The following APC2 variants were observed in gnomAD, a reference collection of about 807,000 sequenced individuals.
APC2 encodes the protein adenomatous polyposis coli protein 2.
APC2 carries 41 observed loss-of-function variants against 72.5 expected under a neutral mutation model. The ratio of observed to expected loss-of-function variants is 0.57; its 90% CI spans 0.44 to 0.73. The LOEUF (loss-of-function observed/expected upper bound fraction) is 0.73, where lower values mean the gene tolerates loss of function less well. Among genes scored for constraint, APC2 ranks in the 30% least tolerant of loss-of-function variants. The pLI is 0.00. For synonymous variants in APC2, 1,898 were observed against 1,612.0 expected (o/e 1.18, Z -4.25); for missense variants, 3,729 against 3,403.4 (o/e 1.10, Z -2.38).
rs1569143290 is a variant in APC2, at chr19:1,455,517, G to T, written c.639+17G>T. Reference sequence around the variant, plus strand: ...CGGGCACAGGTGCGGCGGTGGGCGGGGTGGCGCGGCGGTAGGCGGGGCCCT... The same window carrying T: ...CGGGCACAGGTGCGGCGGTGGGCGGTGTGGCGCGGCGGTAGGCGGGGCCCT... On this transcript the variant is annotated intron_variant, in intron 6 of 14. Transcript: ENST00000590469. 3 of 1,591,950 alleles carry T rather than the reference G, an allele frequency of 1.9e-6. No homozygotes were observed. The highest frequency in any genetic ancestry group is 2.3e-5 in the East Asian group (1 of 44,116).
intron 10 of APC2, 94 bp downstream of exon 10, chr19:1,458,154 A>C: frequency 8.3e-7 from 1 of 1,209,328 alleles, no homozygotes. Context: ...GGGTCATCTG[A>C]GCTTGGGCTG....
rs779028729 is a variant in APC2 at position 1,468,851 on chromosome 19, G to A, written c.5550G>A (p.Ser1850=). 6.5e-7 allele frequency: 1 copy of A among 1,548,392 alleles called. No individual in the cohort carries two copies. Among genetic ancestry groups the A allele is most frequent in the South Asian group, 1.2e-5 (1 of 85,112 alleles). Residue 1850 remains serine, a synonymous_variant, in exon 15 of 15, where the codon TCG becomes TCA. Transcript: ENST00000590469. ...SRSLHRPAKT[S]ELATLSQPPR... ...GCCTACACCGGCCTGCCAAGACCTCGGAGCTGGCGACGCTGAGCCAGCCCC... is the reference window on the plus strand; with the variant it reads ...GCCTACACCGGCCTGCCAAGACCTCAGAGCTGGCGACGCTGAGCCAGCCCC...
At position 1,469,947 on chromosome 19, in the gene APC2, G is replaced by A. The variant is rs1316281097; in HGVS notation, c.6646G>A (p.Gly2216Arg). Residue 2216 changes from glycine (G) to arginine (R), a missense_variant, in exon 15 of 15, where the codon GGG (glycine) becomes AGG (arginine). Physicochemically the swap from Gly to Arg is moderately radical, Grantham distance 125. Coordinates refer to ENST00000590469, the MANE Select transcript of APC2 (RefSeq NM_005883.3). ...GAGCCTGGAGACCAGGGAGCCCCCC[G>A]GGGCCCCCGCCGGCGGCCAGCTCTC... ...SPSLETREPP[G>R]APAGGQLSLL... The A allele has an allele frequency of 3.3e-6, 5 of 1,510,484 alleles. No homozygotes were observed. Among genetic ancestry groups the A allele is most frequent in the Non-Finnish European group, 3.5e-6 (4 of 1,136,282 alleles). 93.6% of individuals were successfully genotyped at this position (1,510,484 alleles called of 1,614,324 possible).
chr19:1,467,234 C>T lies in APC2; in HGVS notation c.3933C>T (p.Ala1311=). The change falls in exon 15 of 15, where the codon GCC becomes GCT. Residue 1311 remains alanine (A), a synonymous_variant. Transcript: ENST00000590469. ...CPERGGGAGG[A]GLHFAGHRRR... The stretch of plus-strand genomic sequence containing the variant: ...AGCGCGGCGGGGGCGCCGGGGGCGC[C>T]GGCCTCCACTTTGCAGGGCACCGGC... The T allele has an allele frequency of 1.5e-6, 2 of 1,360,840 alleles. No individual in the cohort carries two copies. Among genetic ancestry groups the T allele is most frequent in the Non-Finnish European group, 1.9e-6 (2 of 1,062,310 alleles). The allele number at this position is 1,360,840 out of a possible 1,614,324, so 84.3% of individuals were successfully genotyped here. A position where few individuals can be genotyped will look rare whatever the true frequency, so the allele number is the denominator to read the frequency against.
rs750200449 is a variant in APC2, at chr19:1,455,480, G to A, written c.619G>A (p.Glu207Lys). The change falls in exon 6 of 15, where the codon GAG becomes AAG. Residue 207 changes from glutamate (E) to lysine (K), a missense_variant. Glu to Lys is a moderately conservative substitution (Grantham distance 56). Transcript: ENST00000590469. The stretch of plus-strand genomic sequence containing the variant: ...GGAGGAGCGCTTCGGCACCTCGGAC[G>A]AGATGGTGCAGCGGGCACAGGTGCG... ...LMEERFGTSD[E>K]MVQRAQIRAS... 2 of 1,603,148 alleles carry A rather than the reference G, an allele frequency of 1.2e-6. No individual in the cohort carries two copies. The highest frequency in any genetic ancestry group is 2.2e-5 in the South Asian group (2 of 89,496).
At chr19:1,457,386 G>GT in intron 9 of APC2, 143 bp downstream of exon 9, 1 of 1,239,378 alleles carries the variant, frequency 8.1e-7, no homozygotes, top group Non-Finnish European at 1.1e-6. Context: ...GCCGAGGCCT[G>GT]TGGGGGCATT....
chr19:1,458,039 C>T lies in APC2; in HGVS notation c.1282C>T (p.Arg428Cys), dbSNP rs143064262. ...GAAGCTGTCCTTTGATGAGGAGTAC[C>T]GCCGTGCCATGAACGAGCTAGGTGA... ...VMKLSFDEEY[R>C]RAMNELGGLQ... The change falls in exon 10 of 15, where the codon CGC becomes TGC. Residue 428 changes from arginine to cysteine, a missense_variant. Arg to Cys is a radical substitution (Grantham distance 180). Coordinates refer to ENST00000590469, the MANE Select transcript of APC2 (RefSeq NM_005883.3). 9.6e-6 allele frequency: 15 copies of T among 1,564,808 alleles called. No individual in the cohort carries two copies. The highest frequency in any genetic ancestry group is 4.6e-5 in the East Asian group (2 of 43,040).
chr19:1,456,108 G>A lies in APC2; in HGVS notation c.672G>A (p.Lys224=), dbSNP rs1245327559. The change falls in exon 7 of 15, where the codon AAG becomes AAA. Residue 224 remains lysine, a synonymous_variant. Transcript: ENST00000590469. ...IRASRLEQID[K]ELLEAQDRVQ... is the part of the protein sequence containing the mutation. ...CCTCGCGCCTGGAGCAGATTGACAAGGAGCTGCTGGAGGCGCAGGACCGAG... is the reference window on the plus strand; with the variant it reads ...CCTCGCGCCTGGAGCAGATTGACAAAGAGCTGCTGGAGGCGCAGGACCGAG... 4 of 1,590,892 alleles carry A rather than the reference G, an allele frequency of 2.5e-6. No homozygotes were observed. Among genetic ancestry groups the A allele is most frequent in the Non-Finnish European group, 3.4e-6 (4 of 1,171,188 alleles).
rs2084146165 is a variant in APC2, at chr19:1,472,207, G to C, written c.*1994G>C. ...TCCATGGCCCGAGGGGGAACCTGGT[G>C]GTCTCTTCTGAGCTTTTGGACTTGG... On this transcript the variant is annotated 3_prime_UTR_variant, in exon 15 of 15. Transcript: ENST00000590469. 6.6e-6 allele frequency: 1 copy of C among 152,296 alleles called. No homozygotes were observed. Among genetic ancestry groups the C allele is most frequent in the African/African-American group, 2.4e-5 (1 of 41,458 alleles). 9.4% of individuals were successfully genotyped at this position (152,296 alleles called of 1,614,324 possible).
chr19:1,446,575 G>A (rs897203042), upstream of APC2, among the ~76,000 whole-genome samples: 5 of 151,796 alleles, frequency 3.3e-5, no homozygotes, highest in African/African-American at 9.7e-5. This position sits in a 1 kb window ranked among gnomAD's most constrained non-coding sequence, Gnocchi z 6.1. Flanking sequence ...CCCCAGCCCC[G>A]GGTCTGCGCA....
chr19:1,457,043 G>A lies in APC2; in HGVS notation c.1007G>A (p.Gly336Glu). 6.5e-7 allele frequency: 1 copy of A among 1,528,138 alleles called. No homozygotes were observed. Among genetic ancestry groups the A allele is most frequent in the Non-Finnish European group, 8.7e-7 (1 of 1,144,530 alleles). The allele number at this position is 1,528,138 out of a possible 1,614,324, so 94.7% of individuals were successfully genotyped here. The change falls in exon 9 of 15, where the codon GGG (glycine) becomes GAG (glutamate). Residue 336 changes from glycine to glutamate, a missense_variant. By Grantham distance (98) the Gly-to-Glu change is moderately conservative. Transcript: ENST00000590469. The part of the protein sequence containing the change: ...AAAGGRAGAP[G>E]APGAKDARMR... ...GCCGGGGGTCGCGCCGGGGCCCCAG[G>A]GGCACCGGGCGCCAAGGACGCACGC...
rs1243428279 is a variant in APC2 at position 1,452,922 on chromosome 19, C to T, written c.-18-62C>T. ...GGGCTTAGGTCAGGGGCCGTCTGTCCGGAAGGCATCACCGCGCCCTCCCCA... is the reference window on the plus strand; with the variant it reads ...GGGCTTAGGTCAGGGGCCGTCTGTCTGGAAGGCATCACCGCGCCCTCCCCA... On this transcript the variant is annotated intron_variant, in intron 1 of 14. Coordinates refer to ENST00000590469, the MANE Select transcript of APC2 (RefSeq NM_005883.3). This position sits in a 1 kb window ranked among gnomAD's most constrained non-coding sequence, Gnocchi z 5.1. 2.1e-5 allele frequency: 33 copies of T among 1,557,232 alleles called. No homozygotes were observed. The highest frequency in any genetic ancestry group is 1.6e-4 in the East Asian group (7 of 44,134).
chr19:1,469,812 G>T lies in APC2; in HGVS notation c.6511G>T (p.Gly2171Cys). The T allele has an allele frequency of 6.6e-7, 1 of 1,520,762 alleles. No homozygotes were observed. Among genetic ancestry groups the T allele is most frequent in the African/African-American group, 1.4e-5 (1 of 70,182 alleles). 94.2% of individuals were successfully genotyped at this position (1,520,762 alleles called of 1,614,324 possible). Residue 2171 changes from glycine to cysteine, a missense_variant, in exon 15 of 15, where the codon GGC becomes TGC. By Grantham distance (159) the Gly-to-Cys change is radical (BLOSUM62 -3). Transcript: ENST00000590469. ...TLPATALPLR[G>C]STPEDAPAGP... The stretch of plus-strand genomic sequence containing the variant: ...TCCCGCCACGGCCCTGCCACTGCGG[G>T]GCTCCACGCCCGAGGACGCCCCGGC...
At chr19:1,457,320 A>C in intron 9 of APC2, 77 bp downstream of exon 9, 1 of 1,445,416 alleles carries the variant, frequency 6.9e-7, no homozygotes, top group Non-Finnish European at 9.0e-7. Context: ...GGCGACTAGG[A>C]CCTCCAGCCT....
chr19:1,463,092 A>G (rs1043828812), intron 14 of APC2, among the ~76,000 whole-genome samples: 6 of 151,826 alleles, frequency 4.0e-5, no homozygotes, highest in Non-Finnish European at 7.4e-5. Context: ...CCTGACCAAC[A>G]TGGAGAAACC....
upstream of APC2, among the ~76,000 whole-genome samples, chr19:1,448,874 A>G (rs1175000732): frequency 2.0e-5 from 3 of 151,810 alleles, no homozygotes; most frequent in African/African-American, 7.3e-5. Flanking sequence ...AAAGAAAAAG[A>G]AAAAAGAAAA....
chr19:1,461,094 G>T lies in APC2; in HGVS notation c.1579G>T (p.Val527Leu). 6.2e-7 allele frequency: 1 copy of T among 1,613,676 alleles called. No individual in the cohort carries two copies. ...GAGGGCCGACATCAACAGCAAGAAG[G>T]TGCTGAGGGAGGCGGGCAGCGTGAC... ...SWRADINSKK[V>L]LREAGSVTAL... The change falls in exon 13 of 15, where the codon GTG becomes TTG. Residue 527 changes from valine (V) to leucine (L), a missense_variant. Physicochemically the swap from Val to Leu is conservative, Grantham distance 32. Transcript: ENST00000590469.
intron 13 of APC2, 120 bp from the exon 14 acceptor site, chr19:1,461,843 T>C (rs776196435): frequency 4.2e-4 from 338 of 809,340 alleles, no homozygotes; most frequent in Non-Finnish European, 5.8e-4. Flanking sequence ...GAGAGTGAGA[T>C]TCCGTCTCAA....
In APC2 at chr19:1,469,991, G is replaced by A; in HGVS notation, c.6690G>A (p.Val2230=). ...GGQLSLLGSD[V]DGPSLAKAPI... is the part of the protein sequence containing the mutation. ...AGCTCTCCCTCCTCGGCAGCGACGT[G>A]GACGGTCCCAGCCTCGCCAAGGCTC... Residue 2230 remains valine, a synonymous_variant, in exon 15 of 15, where the codon GTG becomes GTA. Transcript: ENST00000590469. The A allele has an allele frequency of 6.5e-7, 1 of 1,532,720 alleles. No individual in the cohort carries two copies. The highest frequency in any genetic ancestry group is 8.7e-7 in the Non-Finnish European group (1 of 1,144,944). 94.9% of individuals were successfully genotyped at this position (1,532,720 alleles called of 1,614,324 possible).
Sources: gnomAD v4.1 joint callset for allele counts (sites outside exome capture counted in the v4.1 genomes callset) on GRCh38, gnomAD v4.1.1 for gene constraint, Gnocchi (gnomAD v3.1) non-coding constraint, MANE v1.5 for transcripts, NCBI Gene and HGNC (gene_info 2026-07-23, HGNC 2026-07-21) for gene names.